The following EPB41L2 variants were observed in gnomAD, a reference collection of about 807,000 sequenced individuals.
The protein encoded by EPB41L2 is erythrocyte membrane protein band 4.1 like 2.
EPB41L2 carries 43 observed loss-of-function variants against 113.0 expected under a neutral mutation model. The ratio of observed to expected loss-of-function variants is 0.38; its 90% CI spans 0.30 to 0.49. The LOEUF is 0.49. Among genes scored for constraint, EPB41L2 ranks in the 20% least tolerant of loss-of-function variants. EPB41L2 has a pLI of 0.95. For synonymous variants in EPB41L2, 442 were observed against 436.7 expected (o/e 1.01, Z -0.15); for missense variants, 1,147 against 1,223.4 (o/e 0.94, Z 0.93).
chr6:130,909,429 A>AT (rs1318234778), intron 4 of EPB41L2, among the ~76,000 whole-genome samples: 2 of 152,208 alleles, frequency 1.3e-5, no homozygotes, highest in Non-Finnish European at 2.9e-5. Flanking sequence ...TGGTCTTAAT[A>AT]TAACACCCTT....
intron 14 of EPB41L2, among the ~76,000 whole-genome samples, chr6:130,874,893 C>T (rs1395608223): frequency 6.6e-6 from 1 of 152,148 alleles, no homozygotes; most frequent in Non-Finnish European, 1.5e-5. Flanking sequence ...AAGGACATCA[C>T]TTTAAATTTG....
intron 15 of EPB41L2, chr6:130,868,769 G>A (rs553992317): frequency 1.8e-4 from 28 of 152,276 alleles, no homozygotes; most frequent in African/African-American, 6.3e-4. Context: ...GAGAGACACT[G>A]CACTTAGTGA....
chr6:130,891,432 C>T (rs200585301), intron 10 of EPB41L2, among the ~76,000 whole-genome samples: 8 of 50,216 alleles, frequency 1.6e-4, no homozygotes, highest in Non-Finnish European at 3.8e-4. Flanking sequence ...TATTTATTTA[C>T]TTACTTACTT....
chr6:130,892,515 T>C (rs1793300930), intron 10 of EPB41L2, among the ~76,000 whole-genome samples: 1 of 151,506 alleles, frequency 6.6e-6, no homozygotes, highest in Non-Finnish European at 1.5e-5. Context: ...GCTCATGTTG[T>C]CTGGAGGAGA....
intron 13 of EPB41L2, among the ~76,000 whole-genome samples, chr6:130,879,718 G>T (rs1440611622): frequency 2.6e-5 from 4 of 151,980 alleles, no homozygotes; most frequent in Non-Finnish European, 5.9e-5. Flanking sequence ...AACAAAAAAA[G>T]TGGGCACAGA....
intron 8 of EPB41L2, 81 bp from the exon 9 acceptor site, chr6:130,895,200 C>T: frequency 6.9e-7 from 1 of 1,456,058 alleles, no homozygotes; most frequent in East Asian, 2.4e-5. Flanking sequence ...TCCCTCAAAT[C>T]ATGATCAGGA....
intron 1 of EPB41L2, among the ~76,000 whole-genome samples, chr6:131,030,574 C>G (rs1382967464): frequency 6.6e-6 from 1 of 152,140 alleles, no homozygotes; most frequent in Non-Finnish European, 1.5e-5. Context: ...TTTAAATAGA[C>G]AATTTTTCAA....
Position 130,894,954 on chromosome 6 carries a change from T to A in EPB41L2, c.1389+13A>T. ...CCGACTAACAACAACTGATTAGAAA[T>A]GTCTTGGCTTACCTCTGCCGGTCTG... On this transcript the variant is annotated intron_variant, in intron 9 of 19. Coordinates refer to ENST00000337057, the MANE Select transcript of EPB41L2 (RefSeq NM_001431.4). 1 of 1,609,280 alleles carries A rather than the reference T, an allele frequency of 6.2e-7. No individual in the cohort carries two copies. Among genetic ancestry groups the A allele is most frequent in the Non-Finnish European group, 8.5e-7 (1 of 1,177,094 alleles).
At chr6:130,875,605 A>G (rs1787276673) in intron 14 of EPB41L2, among the ~76,000 whole-genome samples, 1 of 152,180 alleles carries the variant, frequency 6.6e-6, no homozygotes, top group South Asian at 2.1e-4. Context: ...CCACAATGAC[A>G]AAACGGTCTT....
chr6:131,007,696 G>A (rs1438576735), intron 1 of EPB41L2, among the ~76,000 whole-genome samples: 1 of 152,188 alleles, frequency 6.6e-6, no homozygotes, highest in East Asian at 1.9e-4. Flanking sequence ...AATGTGTTGG[G>A]AACTGAAGTA....
At chr6:130,886,335 C>A (rs1246135970) in intron 11 of EPB41L2, among the ~76,000 whole-genome samples, 3 of 152,190 alleles carry the variant, frequency 2.0e-5, no homozygotes, top group Non-Finnish European at 4.4e-5. Context: ...CTTTTCCAGT[C>A]TTGCCCTTTT....
At position 130,986,517 on chromosome 6, in the gene EPB41L2, A is replaced by G. The variant is rs1780584316; in HGVS notation, c.-14-30018T>C. Among the ~76,000 whole-genome samples, 4 of 152,202 alleles carry G rather than the reference A, an allele frequency of 2.6e-5. No homozygotes were observed. In the Middle Eastern group the frequency reaches 0.01, roughly 391 times the overall value. On this transcript the variant is annotated intron_variant, in intron 1 of 19. Transcript: ENST00000337057. ...TGCTGGCAGGAATGTAAAATGGTGTAGCAGATTCAGAAGGTTCTAGGGAAA... is the reference window on the plus strand; with the variant it reads ...TGCTGGCAGGAATGTAAAATGGTGTGGCAGATTCAGAAGGTTCTAGGGAAA...
intron 4 of EPB41L2, 117 bp downstream of exon 4, chr6:130,926,488 T>C (rs1804779142): frequency 6.8e-6 from 5 of 738,796 alleles, no homozygotes; most frequent in South Asian, 3.3e-5. Flanking sequence ...AATTTCACAG[T>C]GAAGTCATAA....
At chr6:131,030,587 G>A (rs977818098) in intron 1 of EPB41L2, among the ~76,000 whole-genome samples, 11 of 152,136 alleles carry the variant, frequency 7.2e-5, no homozygotes, top group South Asian at 2.1e-4. Flanking sequence ...TTTTTCAATC[G>A]CTTACCTCAG....
At chr6:130,864,780 G>C (rs558360458) in intron 17 of EPB41L2, among the ~76,000 whole-genome samples, 1 of 149,534 alleles carries the variant, frequency 6.7e-6, no homozygotes, top group South Asian at 2.1e-4. Context: ...AATTACTTTT[G>C]CTGTTTTTTA....
chr6:130,880,431 A>C (rs1262646537), intron 12 of EPB41L2: 1 of 636,190 alleles, frequency 1.6e-6, no homozygotes. Context: ...TGAGATGTTT[A>C]ACTTTAGGGA....
At chr6:130,985,469 A>C (rs1029452133) in intron 1 of EPB41L2, among the ~76,000 whole-genome samples, 5 of 152,164 alleles carry the variant, frequency 3.3e-5, no homozygotes, top group Non-Finnish European at 5.9e-5. Context: ...TGGGACAAGA[A>C]CTCGGGAACC....
intron 12 of EPB41L2, among the ~76,000 whole-genome samples, chr6:130,884,056 C>T (rs1015940970): frequency 9.2e-5 from 14 of 152,064 alleles, no homozygotes; most frequent in Admixed American, 5.9e-4. Flanking sequence ...ACTATACGGC[C>T]GGGCTCAGTG....
At chr6:131,013,140 G>A (rs760367340) in intron 1 of EPB41L2, among the ~76,000 whole-genome samples, 13 of 152,206 alleles carry the variant, frequency 8.5e-5, no homozygotes, top group Non-Finnish European at 7.4e-5. Flanking sequence ...ATTACCAGTA[G>A]TTACACATAT....
Sources: gnomAD v4.1 joint callset for allele counts (sites outside exome capture counted in the v4.1 genomes callset) on GRCh38, gnomAD v4.1.1 for gene constraint, MANE v1.5 for transcripts, NCBI Gene and HGNC (gene_info 2026-07-23, HGNC 2026-07-21) for gene names.